The following GALNT13 variants were observed in gnomAD, a reference collection of about 807,000 sequenced individuals.
GALNT13 encodes polypeptide N-acetylgalactosaminyltransferase 13.
A neutral mutation model predicts 64.2 loss-of-function variants in GALNT13; 28 were observed. That is an observed-to-expected ratio of 0.44 (90% CI 0.32 to 0.60). The LOEUF (loss-of-function observed/expected upper bound fraction) is 0.60, where lower values mean the gene tolerates loss of function less well. GALNT13 is among the 20% of genes least tolerant of loss of function. The pLI is 0.05. For missense variants in GALNT13, 577 were observed against 669.8 expected, an observed-to-expected ratio of 0.86 and a Z score of 1.53; for synonymous variants, 214 against 224.6, an observed-to-expected ratio of 0.95 and a Z score of 0.42.
intron 9 of GALNT13, among the ~76,000 whole-genome samples, chr2:154,326,775 A>G (rs905711665): frequency 1.3e-5 from 2 of 152,148 alleles, no homozygotes; most frequent in African/African-American, 4.8e-5. Context: ...TGCTATCTGA[A>G]GCTAGTAAGA....
chr2:153,653,430 G>T, the GALNT13 span, among the ~76,000 whole-genome samples: 1 of 152,134 alleles, frequency 6.6e-6, no homozygotes, highest in African/African-American at 2.4e-5. Flanking sequence ...AGAAATTATT[G>T]TAAAATTATT....
At chr2:153,126,036 A>G in the GALNT13 span, among the ~76,000 whole-genome samples, 2 of 151,894 alleles carry the variant, frequency 1.3e-5, no homozygotes, top group Non-Finnish European at 1.5e-5. Context: ...CATTTATTCC[A>G]GTGCATCAAA....
At chr2:153,586,844 A>G in the GALNT13 span, among the ~76,000 whole-genome samples, 3 of 152,176 alleles carry the variant, frequency 2.0e-5, no homozygotes, top group Admixed American at 6.6e-5. Flanking sequence ...TTCTCAGACC[A>G]CAGTAAAATA....
intron 3 of GALNT13, among the ~76,000 whole-genome samples, chr2:153,994,069 C>T (rs1179364781): frequency 1.3e-5 from 2 of 152,104 alleles, no homozygotes; most frequent in Non-Finnish European, 2.9e-5. Flanking sequence ...TCCCCACTCA[C>T]CCCACCCCAT....
At chr2:153,746,419 T>A in the GALNT13 span, among the ~76,000 whole-genome samples, 1 of 152,206 alleles carries the variant, frequency 6.6e-6, no homozygotes. Flanking sequence ...TCATATAGTG[T>A]GTCTAAATAT....
At chr2:153,115,194 T>C in the GALNT13 span, among the ~76,000 whole-genome samples, 1 of 152,314 alleles carries the variant, frequency 6.6e-6, no homozygotes, top group South Asian at 2.1e-4. Flanking sequence ...CTCATATGTT[T>C]GGATATTCCT....
the GALNT13 span, among the ~76,000 whole-genome samples, chr2:153,590,964 C>G: frequency 1.4e-5 from 2 of 138,302 alleles, no homozygotes; most frequent in African/African-American, 5.6e-5. Flanking sequence ...GAAGTCTTAG[C>G]CAGAGAAATC....
the GALNT13 span, among the ~76,000 whole-genome samples, chr2:153,107,501 TAATCTGACC>T: frequency 6.6e-6 from 1 of 152,112 alleles, no homozygotes; most frequent in Non-Finnish European, 1.5e-5. Flanking sequence ...ATCACTGCAT[TAATCTGACC>T]AAGCTGAGTG....
At chr2:153,432,320 AT>A in the GALNT13 span, among the ~76,000 whole-genome samples, 1 of 152,102 alleles carries the variant, frequency 6.6e-6, no homozygotes, top group East Asian at 1.9e-4. Context: ...CCACCAGTGG[AT>A]TTTTTTCAAA....
the GALNT13 span, among the ~76,000 whole-genome samples, chr2:153,299,586 GT>G: frequency 6.6e-6 from 1 of 152,244 alleles, no homozygotes; most frequent in Middle Eastern, 3.4e-3. Flanking sequence ...TCCTTAGCCA[GT>G]CTCTCTCTCT....
chr2:153,562,919 T>C, the GALNT13 span, among the ~76,000 whole-genome samples: 3 of 152,174 alleles, frequency 2.0e-5, no homozygotes, highest in Non-Finnish European at 4.4e-5. Flanking sequence ...TCTGATACTT[T>C]TCTCAGTTGC....
the GALNT13 span, among the ~76,000 whole-genome samples, chr2:153,716,922 G>C: frequency 0.016 from 2,360 of 152,152 alleles, 58 homozygotes; most frequent in African/African-American, 0.054. Flanking sequence ...AAGAGAATCT[G>C]TTCCTTTCAA....
the GALNT13 span, among the ~76,000 whole-genome samples, chr2:153,772,144 T>G: frequency 6.6e-6 from 1 of 152,182 alleles, no homozygotes; most frequent in South Asian, 2.1e-4. Flanking sequence ...GCTGTGAGCA[T>G]TAGTCCTCCA....
chr2:154,284,481 A>G (rs1319704193), intron 8 of GALNT13, among the ~76,000 whole-genome samples: 3 of 151,798 alleles, frequency 2.0e-5, no homozygotes, highest in Admixed American at 1.3e-4. Flanking sequence ...TTGTGCATAT[A>G]TATATATGTG....
the GALNT13 span, among the ~76,000 whole-genome samples, chr2:153,814,356 C>A: frequency 5.3e-5 from 8 of 152,274 alleles, no homozygotes; most frequent in African/African-American, 1.9e-4. Flanking sequence ...AGGAGAATGG[C>A]GTGAACCCGG....
chr2:154,305,390 A>AAC (rs758453204), intron 9 of GALNT13, among the ~76,000 whole-genome samples: 20 of 150,844 alleles, frequency 1.3e-4, no homozygotes, highest in East Asian at 3.9e-4. Context: ...TGCACACACA[A>AAC]ACACACACAC....
intron 4 of GALNT13, among the ~76,000 whole-genome samples, chr2:154,163,224 C>T (rs542231080): frequency 4.8e-5 from 7 of 144,800 alleles, no homozygotes; most frequent in Non-Finnish European, 8.9e-5. Flanking sequence ...TGAGTGAGAA[C>T]GTGCGGTGTT....
At chr2:153,741,890 A>G in the GALNT13 span, among the ~76,000 whole-genome samples, 1 of 152,136 alleles carries the variant, frequency 6.6e-6, no homozygotes, top group African/African-American at 2.4e-5. Flanking sequence ...AAGGGTACAA[A>G]GTGATGTTAT....
the GALNT13 span, among the ~76,000 whole-genome samples, chr2:153,403,422 C>T: frequency 6.6e-5 from 10 of 152,304 alleles, 1 homozygote; most frequent in Admixed American, 1.3e-4. Context: ...CCTACAGAGG[C>T]AGGCAGGCCT....
Sources: gnomAD v4.1 joint callset for allele counts (sites outside exome capture counted in the v4.1 genomes callset) on GRCh38, gnomAD v4.1.1 for gene constraint, MANE v1.5 for transcripts, NCBI Gene and HGNC (gene_info 2026-07-23, HGNC 2026-07-21) for gene names.